The following ARSG variants were observed in gnomAD, a reference collection of about 807,000 sequenced individuals.
The protein encoded by ARSG is ASG.
Under a neutral mutation model 50.5 loss-of-function variants are expected in ARSG, and 37 were observed. That is an observed-to-expected ratio of 0.73 (90% CI 0.56 to 0.96). The LOEUF (loss-of-function observed/expected upper bound fraction) is 0.96, where lower values mean the gene tolerates loss of function less well. ARSG is among the 50% of genes least tolerant of loss of function. ARSG has a pLI of 0.00. For missense variants in ARSG, 629 were observed against 675.3 expected, an observed-to-expected ratio of 0.93 and a Z score of 0.76; for synonymous variants, 225 against 254.6, an observed-to-expected ratio of 0.88 and a Z score of 1.11.
the ARSG span, among the ~76,000 whole-genome samples, chr17:68,431,790 A>AGAGCCATAACTGCTGGGG: frequency 2.0e-5 from 3 of 150,106 alleles, no homozygotes; most frequent in Non-Finnish European, 2.9e-5. Context: ...GAGAACCCAG[A>AGAGCCATAACTGCTGGGG]ACAGCTTGGA....
chr17:68,273,947 A>T (rs1401301862), intron 1 of ARSG: 10 of 1,614,042 alleles, frequency 6.2e-6, no homozygotes, highest in Non-Finnish European at 7.6e-6. Flanking sequence ...GCCGATGGCG[A>T]CGTACATATG....
intron 6 of ARSG, among the ~76,000 whole-genome samples, chr17:68,360,130 A>G (rs1354272924): frequency 1.3e-5 from 2 of 152,202 alleles, no homozygotes; most frequent in Non-Finnish European, 2.9e-5. Flanking sequence ...TTAATCCATT[A>G]AAGGGCAAAT....
intron 11 of ARSG, among the ~76,000 whole-genome samples, chr17:68,410,971 T>C (rs542951820): frequency 0.02 from 3,108 of 151,976 alleles, 111 homozygotes; most frequent in African/African-American, 0.07. Flanking sequence ...GTGGTGATAT[T>C]CCCTTTATCA....
intron 4 of ARSG, among the ~76,000 whole-genome samples, chr17:68,348,818 T>TA (rs1036351895): frequency 6.6e-6 from 1 of 152,132 alleles, no homozygotes; most frequent in Admixed American, 6.5e-5. Context: ...CAAGCACACT[T>TA]ACACATTCCT....
At chr17:68,337,991 A>T (rs1384018365) in intron 2 of ARSG, among the ~76,000 whole-genome samples, 1 of 152,170 alleles carries the variant, frequency 6.6e-6, no homozygotes, top group Non-Finnish European at 1.5e-5. Flanking sequence ...CTTCTGTTTC[A>T]GGCAGGTCTC....
At chr17:68,427,357 G>A (rs972159590), downstream of ARSG, 9 of 868,008 alleles carry the variant, frequency 1.0e-5, no homozygotes, top group Admixed American at 4.5e-5. Flanking sequence ...CAGCTCTGTG[G>A]GTTATTTATT....
rs544003812 is a variant in ARSG, at chr17:68,333,365, C to T, written c.219-10239C>T. On this transcript the variant is annotated intron_variant, in intron 2 of 11. Coordinates refer to ENST00000621439, the MANE Select transcript of ARSG (RefSeq NM_001267727.2). ...ATAAGAGGCCGGGCGTGGTGGCTCA[C>T]GCCTGTAATCCTAGCACTTTGGGAG... Among the ~76,000 whole-genome samples the T allele has an allele frequency of 4.6e-3, 698 of 151,744 alleles. 11 individuals carry two copies. The highest frequency in any genetic ancestry group is 0.015 in the African/African-American group (623 of 41,354).
At chr17:68,427,975 G>T in the ARSG span, among the ~76,000 whole-genome samples, 1 of 151,572 alleles carries the variant, frequency 6.6e-6, no homozygotes, top group Admixed American at 6.6e-5. Flanking sequence ...CTGCAGTCTT[G>T]ACCTTCCTGG....
At chr17:68,342,332 A>G (rs1359400880) in intron 2 of ARSG, among the ~76,000 whole-genome samples, 2 of 150,288 alleles carry the variant, frequency 1.3e-5, no homozygotes, top group African/African-American at 4.9e-5. Context: ...ATGTACATAT[A>G]TATATATACA....
chr17:68,273,484 G>C (rs1772986830), intron 1 of ARSG, among the ~76,000 whole-genome samples: 1 of 152,092 alleles, frequency 6.6e-6, no homozygotes. Context: ...GCCTCCCGAA[G>C]TGCTGGGATT....
At chr17:68,355,252 T>C (rs541847709) in intron 5 of ARSG, among the ~76,000 whole-genome samples, 8 of 152,332 alleles carry the variant, frequency 5.3e-5, no homozygotes, top group African/African-American at 1.9e-4. Flanking sequence ...CTCTGGGAGC[T>C]TAAGTAACTT....
intron 6 of ARSG, among the ~76,000 whole-genome samples, chr17:68,366,577 T>C (rs1216036139): frequency 6.6e-6 from 1 of 152,080 alleles, no homozygotes; most frequent in Non-Finnish European, 1.5e-5. Flanking sequence ...ACGAAAAAAC[T>C]AGGCAAGAAT....
At chr17:68,268,671 GGAGAGTAGTTTATT>G (rs1555747231) in intron 1 of ARSG, 3 of 158,002 alleles carry the variant, frequency 1.9e-5, no homozygotes, top group Admixed American at 6.0e-5. Context: ...GTTTTATTCA[GGAGAGTAGTTTATT>G]CAGACAAGAC....
intron 2 of ARSG, among the ~76,000 whole-genome samples, chr17:68,337,290 G>A (rs1385706859): frequency 4.6e-5 from 7 of 152,158 alleles, no homozygotes; most frequent in Non-Finnish European, 8.8e-5. Flanking sequence ...CTGGAAATAC[G>A]GATTTGGAGA....
At chr17:68,451,963 C>CA in the ARSG span, among the ~76,000 whole-genome samples, 1 of 152,226 alleles carries the variant, frequency 6.6e-6, no homozygotes, top group African/African-American at 2.4e-5. Flanking sequence ...AAAAAATTCA[C>CA]AAAAATGGTG....
At chr17:68,347,726 T>C (rs1277553555) in intron 4 of ARSG, among the ~76,000 whole-genome samples, 1 of 152,238 alleles carries the variant, frequency 6.6e-6, no homozygotes, top group African/African-American at 2.4e-5. Flanking sequence ...CTGATGGTTT[T>C]TCAAAGTTGC....
At chr17:68,305,766 TA>T in intron 1 of ARSG, among the ~76,000 whole-genome samples, 1 of 152,246 alleles carries the variant, frequency 6.6e-6, no homozygotes, top group Non-Finnish European at 1.5e-5. Flanking sequence ...TCCCCCAGAT[TA>T]ACTTCTGTCA....
chr17:68,395,823 T>G (rs774981465), intron 10 of ARSG, among the ~76,000 whole-genome samples: 5 of 152,160 alleles, frequency 3.3e-5, no homozygotes, highest in Admixed American at 1.3e-4. Flanking sequence ...GCTGTTGAGT[T>G]GAGCTCCGAG....
At chr17:68,449,232 T>G in the ARSG span, among the ~76,000 whole-genome samples, 3 of 152,232 alleles carry the variant, frequency 2.0e-5, no homozygotes, top group Non-Finnish European at 4.4e-5. Flanking sequence ...ATTTACTTAT[T>G]TAACAGTCAG....
Sources: gnomAD v4.1 joint callset for allele counts (sites outside exome capture counted in the v4.1 genomes callset) on GRCh38, gnomAD v4.1.1 for gene constraint, MANE v1.5 for transcripts, NCBI Gene and HGNC (gene_info 2026-07-23, HGNC 2026-07-21) for gene names.